Variants in BRWD3 observed in about 807,000 individuals in gnomAD.
The protein encoded by BRWD3 is bromodomain and WD repeat-containing protein 3.
A neutral mutation model predicts 149.7 loss-of-function variants in BRWD3; 10 were observed. The observed-to-expected ratio is 0.07, with a 90% CI of 0.04 to 0.11. BRWD3 has a LOEUF of 0.11. BRWD3 is among the 10% of genes least tolerant of loss of function. The probability of loss-of-function intolerance (pLI) is 1.00; values close to 1 mark genes in which losing one functional copy is unlikely to be tolerated. For synonymous variants in BRWD3, 504 were observed against 456.7 expected (o/e 1.10, Z -1.32); for missense variants, 940 against 1,373.2 (o/e 0.68, Z 4.99).
chrX:80,808,108 G>T (rs2074368487), intron 4 of BRWD3, among the ~76,000 whole-genome samples: 1 of 74,545 alleles, frequency 1.3e-5, no homozygotes, highest in Admixed American at 2.1e-4. Flanking sequence ...CTTAGTTCCC[G>T]TATTTCAGGC....
chrX:80,742,554 G>C (rs1161070924), intron 8 of BRWD3, among the ~76,000 whole-genome samples: 1 of 110,056 alleles, frequency 9.1e-6, no homozygotes, highest in Non-Finnish European at 1.9e-5. Flanking sequence ...CCATTTGTTT[G>C]TATCCTCTTT....
intron 20 of BRWD3, among the ~76,000 whole-genome samples, chrX:80,715,610 A>C (rs2073064817): frequency 1.8e-5 from 2 of 112,380 alleles, no homozygotes; most frequent in African/African-American, 6.5e-5. Context: ...GGTAGGGATC[A>C]GCAAACTTTT....
At chrX:80,786,943 G>A (rs149212729) in intron 6 of BRWD3, among the ~76,000 whole-genome samples, 1,278 of 110,665 alleles carry the variant, frequency 0.012, 9 homozygotes, top group Non-Finnish European at 0.018. Context: ...AGACAACAGG[G>A]TTATCTATAT....
rs756289719 is a variant in BRWD3, at chrX:80,689,756, T to C, written c.3807+12A>G. On this transcript the variant is annotated intron_variant, in intron 33 of 40. Transcript: ENST00000373275. ...AGTAACTCATTCCTACTAATCATGC[T>C]GTGATTCTTACCTCCTCTGCATCAG... 2.6e-6 allele frequency: 3 copies of C among 1,172,477 alleles called. No individual in the cohort carries two copies. The African/African-American group carries it at 5.3e-5, about 21-fold the overall frequency.
Position 80,681,459 on chromosome X carries a change from A to C in BRWD3, c.4536T>G (p.Asp1512Glu), listed in dbSNP as rs1273947379. 2 of 1,207,497 alleles carry C rather than the reference A, an allele frequency of 1.7e-6. No individual in the cohort carries two copies. Among genetic ancestry groups the C allele is most frequent in the African/African-American group, 3.5e-5 (2 of 57,052 alleles). ...AAGAAAATGGCCCATCTGGCTCATC[A>C]TCAAGTAGATATAGTGAAAGCCCTT... ...AAEGLSLYLL[D>E]DEPDGPFSSS... Residue 1512 changes from aspartate to glutamate, a missense_variant, in exon 40 of 41, where the codon GAT becomes GAG. By Grantham distance (45) the Asp-to-Glu change is conservative. Transcript: ENST00000373275.
Position 80,724,036 on chromosome X carries a change from C to T in BRWD3, c.1522-160G>A, listed in dbSNP as rs146334108. Among the ~76,000 whole-genome samples the T allele has an allele frequency of 4.7e-3, 528 of 111,852 alleles. 2 individuals are homozygous for T. Among genetic ancestry groups the T allele is most frequent in the African/African-American group, 0.016 (508 of 30,841 alleles). On this transcript the variant is annotated intron_variant, in intron 15 of 40. Transcript: ENST00000373275. ...CAGAACCCTACTGATACAGTAAATCCCTGAAAGAAATTAGGGAGAGGCAAA... is the reference window on the plus strand; with the variant it reads ...CAGAACCCTACTGATACAGTAAATCTCTGAAAGAAATTAGGGAGAGGCAAA...
intron 27 of BRWD3, among the ~76,000 whole-genome samples, chrX:80,695,070 C>T (rs1347524297): frequency 9.0e-6 from 1 of 110,886 alleles, no homozygotes; most frequent in Non-Finnish European, 1.9e-5. Flanking sequence ...CAGTTTCCCA[C>T]ATGTTGTTCT....
At position 80,746,431 on chromosome X, in the gene BRWD3, T is replaced by TA. The variant is rs1325601536; in HGVS notation, c.431-703dup. The stretch of plus-strand genomic sequence containing the variant: ...CGCTTTGCCTTGTTCTGCATTTTCT[T>TA]AAAAAAAAAGCCATAACATAGCATA... On this transcript the variant is annotated intron_variant, in intron 6 of 40. Transcript: ENST00000373275. Among the ~76,000 whole-genome samples the TA allele has an allele frequency of 2.4e-4, 26 of 108,410 alleles. No individual in the cohort carries two copies. In the East Asian group the frequency reaches 2.9e-3, roughly 12 times the overall value. 94.1% of individuals were successfully genotyped at this position (108,410 alleles called of 115,157 possible).
At chrX:80,709,727 T>C in intron 20 of BRWD3, 150 bp from the exon 21 acceptor site, 1 of 502,841 alleles carries the variant, frequency 2.0e-6, no homozygotes, top group Non-Finnish European at 3.3e-6. Context: ...ACTATATTTA[T>C]ACATATTTAA....
At chrX:80,697,526 C>A (rs2072718199) in intron 25 of BRWD3, among the ~76,000 whole-genome samples, 1 of 110,968 alleles carries the variant, frequency 9.0e-6, no homozygotes, top group Non-Finnish European at 1.9e-5. Flanking sequence ...TCTACATGTC[C>A]AGTTGTACCA....
Position 80,728,892 on chromosome X carries a change from A to C in BRWD3, c.1246T>G (p.Ser416Ala). ...ATKMTGNNLP[S>A]GEDKITKLKV... ...AGTTTAGTGATCTTGTCTTCTCCAG[A>C]TGGCAAATTATTGCTAAACAAAACA... is the stretch of plus-strand genomic sequence containing the variant. The change falls in exon 14 of 41, where the codon TCT (serine) becomes GCT (alanine). Residue 416 changes from serine to alanine, a missense_variant. Coordinates refer to ENST00000373275, the MANE Select transcript of BRWD3 (RefSeq NM_153252.5). The C allele has an allele frequency of 8.3e-7, 1 of 1,209,146 alleles. No homozygotes were observed. Among genetic ancestry groups the C allele is most frequent in the East Asian group, 3.0e-5 (1 of 33,779 alleles).
Position 80,673,756 on chromosome X carries a change from A to C in BRWD3, c.*2853T>G, listed in dbSNP as rs2072341242. On this transcript the variant is annotated 3_prime_UTR_variant, in exon 41 of 41. Coordinates refer to ENST00000373275, the MANE Select transcript of BRWD3 (RefSeq NM_153252.5). Reference sequence around the variant, plus strand: ...TCATATCTAGCATAGGATTAGGTTTATACATGTATATGCTCTCACGGGCCT... The same window carrying C: ...TCATATCTAGCATAGGATTAGGTTTCTACATGTATATGCTCTCACGGGCCT... The C allele has an allele frequency of 8.9e-6, 1 of 111,903 alleles. No homozygotes were observed. Among genetic ancestry groups the C allele is most frequent in the Admixed American group, 9.5e-5 (1 of 10,524 alleles). The allele number at this position is 111,903 out of a possible 1,213,427, so 9.2% of individuals were successfully genotyped here.
rs191504447 is a variant in BRWD3 at position 80,682,355 on chromosome X, C to T, written c.4397+110G>A. ...TAGGCATAAGAGTTTAGGAAACAAA[C>T]AAAAAAAGACCTCTTGGGATCTCCC... is the stretch of plus-strand genomic sequence containing the variant. On this transcript the variant is annotated intron_variant, in intron 38 of 40. Transcript: ENST00000373275. 3 of 913,390 alleles carry T rather than the reference C, an allele frequency of 3.3e-6. No homozygotes were observed. In the African/African-American group the frequency reaches 5.9e-5, roughly 18 times the overall value. The allele number at this position is 913,390 out of a possible 1,213,427, so 75.3% of individuals were successfully genotyped here.
intron 6 of BRWD3, among the ~76,000 whole-genome samples, chrX:80,770,361 T>G (rs2683778): frequency 8.9e-6 from 1 of 111,841 alleles, no homozygotes; most frequent in Admixed American, 9.5e-5. Flanking sequence ...AATAAAATAC[T>G]GGCAAACCGA....
At chrX:80,765,440 C>T (rs1265876118) in intron 6 of BRWD3, among the ~76,000 whole-genome samples, 2 of 111,730 alleles carry the variant, frequency 1.8e-5, no homozygotes, top group Non-Finnish European at 3.8e-5. Context: ...ACAATCCAGG[C>T]AGAACTACTA....
Position 80,669,621 on chromosome X carries a change from A to T in BRWD3, c.*6988T>A, listed in dbSNP as rs761154617. Among the ~76,000 whole-genome samples the T allele has an allele frequency of 3.6e-5, 4 of 111,503 alleles. No homozygotes were observed. The highest frequency in any genetic ancestry group is 3.7e-4 in the South Asian group (1 of 2,688). On this transcript the variant is annotated 3_prime_UTR_variant, in exon 41 of 41. Coordinates refer to ENST00000373275, the MANE Select transcript of BRWD3 (RefSeq NM_153252.5). ...TTAAACATATTGTAAGCTTTTTTTT[A>T]AAAGCCAAGGGAGGAGGGAACACGT...
At chrX:80,686,141 C>A (rs1602303637) in intron 35 of BRWD3, among the ~76,000 whole-genome samples, 2 of 109,783 alleles carry the variant, frequency 1.8e-5, no homozygotes, top group South Asian at 7.9e-4. Flanking sequence ...TGGAAACCAT[C>A]ATTCTCAGCA....
intron 40 of BRWD3, 96 bp downstream of exon 40, chrX:80,681,229 AACTATAAGGATATACT>A: frequency 1.3e-6 from 1 of 768,034 alleles, no homozygotes; most frequent in South Asian, 2.6e-5. Context: ...AATTCTCATT[AACTATAAGGATATACT>A]AGTTTTTAGT....
At chrX:80,701,131 G>A (rs1169115722) in intron 24 of BRWD3, among the ~76,000 whole-genome samples, 3 of 111,699 alleles carry the variant, frequency 2.7e-5, no homozygotes, top group Non-Finnish European at 5.6e-5. Flanking sequence ...AAGAGTTCAT[G>A]TCAGAACTGG....
Sources: allele counts gnomAD v4.1 joint callset (sites outside exome capture counted in the v4.1 genomes callset), GRCh38; gene constraint gnomAD v4.1.1; transcripts MANE v1.5; gene names NCBI Gene and HGNC (gene_info 2026-07-23, HGNC 2026-07-21).